The following GABRA4 variants were observed in gnomAD, a reference collection of about 807,000 sequenced individuals.
GABRA4 encodes the protein gamma-aminobutyric acid type A receptor subunit alpha4.
GABRA4 carries 12 observed loss-of-function variants against 49.7 expected under a neutral mutation model. The observed-to-expected ratio is 0.24, with a 90% CI of 0.15 to 0.39. The LOEUF (loss-of-function observed/expected upper bound fraction) is 0.39. Ranked by LOEUF, GABRA4 falls within the 10% of genes least tolerant of loss-of-function variation. The probability of loss-of-function intolerance (pLI) is 1.00; values close to 1 mark genes in which losing one functional copy is unlikely to be tolerated. For synonymous variants in GABRA4, 288 were observed against 240.2 expected (o/e 1.20, Z -1.84); for missense variants, 506 against 686.0 (o/e 0.74, Z 2.93).
intron 3 of GABRA4, among the ~76,000 whole-genome samples, chr4:46,978,328 G>A (rs1215011506): frequency 6.6e-6 from 1 of 151,964 alleles, no homozygotes; most frequent in East Asian, 1.9e-4. Flanking sequence ...CTATAAAATA[G>A]TGTACACGAC....
rs1721274202 is a variant in GABRA4 at position 46,927,661 on chromosome 4, CT to C, written c.*563del. 1.3e-5 allele frequency: 2 copies of C among 152,484 alleles called. No individual in the cohort carries two copies. Among genetic ancestry groups the C allele is most frequent in the Admixed American group, 1.3e-4 (2 of 15,232 alleles). The allele number at this position is 152,484 out of a possible 1,614,324, so 9.4% of individuals were successfully genotyped here. On this transcript the variant is annotated 3_prime_UTR_variant, in exon 9 of 9. Coordinates refer to ENST00000264318, the MANE Select transcript of GABRA4 (RefSeq NM_000809.4). The stretch of plus-strand genomic sequence containing the variant: ...ACATAAGAAAGGGAAGATATTTCCT[CT>C]GGTCTTTGTCTTAGTTTTTTATGCA...
chr4:46,973,404 G>A (rs757015905), intron 6 of GABRA4, among the ~76,000 whole-genome samples: 1 of 151,670 alleles, frequency 6.6e-6, no homozygotes, highest in African/African-American at 2.4e-5. Flanking sequence ...TTCATAGAAG[G>A]TACTATTCTG....
intron 8 of GABRA4, among the ~76,000 whole-genome samples, chr4:46,936,730 A>G (rs970804609): frequency 7.9e-5 from 12 of 152,244 alleles, no homozygotes; most frequent in African/African-American, 2.9e-4. Context: ...CTGGCAACCC[A>G]GTTTGGCTGG....
At position 46,928,719 on chromosome 4, in the gene GABRA4, T is replaced by G; in HGVS notation, c.1171A>C (p.Asn391His). ...TCAGATTCAGAGTGAACCAAAGCAT[T>G]TGTTCTTTTTCTCATGTTCAAATTG... ...NANLNMRKRTNALVHSESDVG... is the reference protein window; with the variant it reads ...NANLNMRKRTHALVHSESDVG... The change falls in exon 9 of 9, where the codon AAT (asparagine) becomes CAT (histidine). Residue 391 changes from asparagine to histidine, a missense_variant. This residue lies in a region of GABRA4 where 243 missense variants were observed against 210.8 expected (regional missense o/e 1.15). Coordinates refer to ENST00000264318, the MANE Select transcript of GABRA4 (RefSeq NM_000809.4). The G allele has an allele frequency of 6.2e-7, 1 of 1,612,336 alleles. No individual in the cohort carries two copies. The highest frequency in any genetic ancestry group is 2.2e-5 in the East Asian group (1 of 44,854).
At chr4:46,933,105 G>C (rs1421128569) in intron 8 of GABRA4, among the ~76,000 whole-genome samples, 2 of 152,072 alleles carry the variant, frequency 1.3e-5, no homozygotes, top group African/African-American at 4.8e-5. Flanking sequence ...TGTGCAACAT[G>C]AACAGTACCA....
chr4:46,920,942 T>C lies in GABRA4; in HGVS notation c.*7283A>G, dbSNP rs1721002396. On this transcript the variant is annotated 3_prime_UTR_variant, in exon 9 of 9. Coordinates refer to ENST00000264318, the MANE Select transcript of GABRA4 (RefSeq NM_000809.4). ...TCTGATGACATTTCAAATACATTTG[T>C]GTAATTCTTTTTTGCAGGTTAGTAT... is the stretch of plus-strand genomic sequence containing the variant. 1 of 151,862 alleles carries C rather than the reference T, an allele frequency of 6.6e-6. No homozygotes were observed. 9.4% of individuals were successfully genotyped at this position (151,862 alleles called of 1,614,324 possible).
At chr4:46,956,854 G>A (rs1372248721) in intron 8 of GABRA4, among the ~76,000 whole-genome samples, 1 of 151,984 alleles carries the variant, frequency 6.6e-6, no homozygotes, top group Non-Finnish European at 1.5e-5. Flanking sequence ...ATAAACAACT[G>A]TAATTGTTAA....
At chr4:46,993,104 A>G (rs1723831209) in intron 1 of GABRA4, among the ~76,000 whole-genome samples, 158 bp from the exon 2 acceptor site, 1 of 152,188 alleles carries the variant, frequency 6.6e-6, no homozygotes, top group African/African-American at 2.4e-5. Flanking sequence ...AGAAATGGTC[A>G]GGAAAAGCGC....
intron 8 of GABRA4, among the ~76,000 whole-genome samples, chr4:46,953,992 C>A (rs1722258607): frequency 6.6e-6 from 1 of 151,990 alleles, no homozygotes; most frequent in Non-Finnish European, 1.5e-5. Context: ...CTGGGCAAAT[C>A]ACTTAGACCT....
intron 7 of GABRA4, among the ~76,000 whole-genome samples, chr4:46,966,731 A>G (rs561030563): frequency 1.3e-5 from 2 of 151,908 alleles, no homozygotes; most frequent in South Asian, 4.1e-4. Context: ...AAATTGGAGC[A>G]ACTGTGCAAC....
intron 7 of GABRA4, among the ~76,000 whole-genome samples, chr4:46,970,496 A>G (rs1577781531): frequency 2.0e-5 from 3 of 151,508 alleles, no homozygotes; most frequent in African/African-American, 7.2e-5. Flanking sequence ...TGAACTTTAT[A>G]TTGTTCAGAA....
chr4:46,993,434 A>C lies in GABRA4; in HGVS notation c.-10T>G. On this transcript the variant is annotated 5_prime_UTR_variant, in exon 1 of 9. The change abolishes an upstream ATG in the 5' untranslated region. Coordinates refer to ENST00000264318, the MANE Select transcript of GABRA4 (RefSeq NM_000809.4). ...TCTTGGCAGAAACCATCTTTGCAAC[A>C]TGCCATACTTCAAGCCTGTTCACGT... 6.2e-7 allele frequency: 1 copy of C among 1,613,932 alleles called. No individual in the cohort carries two copies. Among genetic ancestry groups the C allele is most frequent in the African/African-American group, 1.3e-5 (1 of 75,068 alleles).
At chr4:46,954,233 C>T (rs559759089) in intron 8 of GABRA4, among the ~76,000 whole-genome samples, 2 of 152,014 alleles carry the variant, frequency 1.3e-5, no homozygotes, top group Non-Finnish European at 2.9e-5. Context: ...CTCTAATCAG[C>T]TCTTCATACA....
intron 8 of GABRA4, among the ~76,000 whole-genome samples, chr4:46,952,676 A>C (rs1383901227): frequency 6.6e-6 from 1 of 152,120 alleles, no homozygotes; most frequent in East Asian, 1.9e-4. Flanking sequence ...ACCAGAAGGA[A>C]TGAATAATCT....
intron 8 of GABRA4, among the ~76,000 whole-genome samples, chr4:46,951,288 A>G (rs1722164246): frequency 6.7e-6 from 1 of 149,336 alleles, no homozygotes; most frequent in Non-Finnish European, 1.5e-5. Flanking sequence ...TATTTTATAT[A>G]TTATTAAATA....
chr4:46,950,563 A>G (rs1722133005), intron 8 of GABRA4, among the ~76,000 whole-genome samples: 2 of 151,858 alleles, frequency 1.3e-5, no homozygotes, highest in Non-Finnish European at 2.9e-5. Flanking sequence ...GCATTTTCTA[A>G]TGGCTCAACC....
At chr4:46,958,117 T>C (rs547505624) in intron 8 of GABRA4, among the ~76,000 whole-genome samples, 59 of 152,086 alleles carry the variant, frequency 3.9e-4, no homozygotes, top group African/African-American at 1.4e-3. Flanking sequence ...CATAGAATTG[T>C]GTTTAAGAAA....
At chr4:46,957,746 T>C (rs1577768863) in intron 8 of GABRA4, among the ~76,000 whole-genome samples, 1 of 151,996 alleles carries the variant, frequency 6.6e-6, no homozygotes, top group East Asian at 1.9e-4. Flanking sequence ...CTTAAAAGCA[T>C]GAGGCTTCCT....
intron 6 of GABRA4, among the ~76,000 whole-genome samples, chr4:46,973,236 G>A (rs1723011714): frequency 1.3e-5 from 2 of 151,738 alleles, no homozygotes; most frequent in Admixed American, 1.3e-4. Context: ...AAGTTCAGAT[G>A]TTGAAACATA....
Sources: allele counts gnomAD v4.1 joint callset (sites outside exome capture counted in the v4.1 genomes callset), GRCh38; gene constraint gnomAD v4.1.1; regional missense constraint gnomAD v4.1.1; transcripts MANE v1.5; gene names NCBI Gene and HGNC (gene_info 2026-07-23, HGNC 2026-07-21).